SDK2: variants seen among roughly 807,000 people sequenced by gnomAD.
SDK2 encodes the protein sidekick cell adhesion molecule 2, also known as protein sidekick-2.
SDK2 carries 105 observed loss-of-function variants against 253.9 expected under a neutral mutation model. The ratio of observed to expected loss-of-function variants is 0.41; its 90% CI spans 0.35 to 0.49. The LOEUF (loss-of-function observed/expected upper bound fraction) is 0.49, where lower values mean the gene tolerates loss of function less well. Ranked by LOEUF, SDK2 falls within the 20% of genes least tolerant of loss-of-function variation. SDK2 has a pLI of 0.06. For missense variants in SDK2, 2,608 were observed against 3,003.0 expected (o/e 0.87, Z 3.07); for synonymous variants, 1,249 against 1,234.9 (o/e 1.01, Z -0.24).
At chr17:73,365,148 G>A (rs920190643) in intron 38 of SDK2, 110 bp downstream of exon 38, 4 of 765,940 alleles carry the variant, frequency 5.2e-6, no homozygotes, top group Non-Finnish European at 7.7e-6. Context: ...ATAAGATGGG[G>A]AGACTCTCAC....
intron 16 of SDK2, among the ~76,000 whole-genome samples, chr17:73,417,386 A>G (rs573456597): frequency 7.1e-4 from 107 of 151,688 alleles, no homozygotes; most frequent in Non-Finnish European, 1.3e-3. Context: ...AGCCTGGGCA[A>G]TGGAGTGAGA....
intron 2 of SDK2, among the ~76,000 whole-genome samples, chr17:73,478,714 T>C (rs1195491840): frequency 6.6e-6 from 1 of 152,218 alleles, no homozygotes; most frequent in African/African-American, 2.4e-5. Flanking sequence ...CCCTTTTTGG[T>C]TCGAGTCCTT....
chr17:73,341,195 T>C (rs560175529), intron 44 of SDK2, among the ~76,000 whole-genome samples: 28 of 151,512 alleles, frequency 1.8e-4, no homozygotes, highest in Admixed American at 2.6e-4. Context: ...AGTTCTTTTT[T>C]ACTTTTAAAG....
At chr17:73,533,388 A>G (rs2064186112) in intron 1 of SDK2, among the ~76,000 whole-genome samples, 1 of 152,216 alleles carries the variant, frequency 6.6e-6, no homozygotes, top group Non-Finnish European at 1.5e-5. Context: ...TGGCGGGCAC[A>G]TCCCCTGGCA....
At chr17:73,437,690 G>A (rs2063380650) in intron 8 of SDK2, 49 bp downstream of exon 8, 1 of 1,436,466 alleles carries the variant, frequency 7.0e-7, no homozygotes, top group South Asian at 1.1e-5. Context: ...GATGGGAGAG[G>A]CTGAAGATCT....
At chr17:73,354,256 C>A (rs1599476710) in intron 40 of SDK2, among the ~76,000 whole-genome samples, 1 of 152,244 alleles carries the variant, frequency 6.6e-6, no homozygotes, top group East Asian at 1.9e-4. Flanking sequence ...GTGCTGGCGT[C>A]AGCCACCTCT....
At chr17:73,594,258 G>A (rs559479026) in intron 1 of SDK2, among the ~76,000 whole-genome samples, 10 of 152,062 alleles carry the variant, frequency 6.6e-5, no homozygotes, top group African/African-American at 1.4e-4. Flanking sequence ...CAGCTCCCTC[G>A]ACCCTTGACC....
chr17:73,444,374 TAA>T (rs1398090359), intron 5 of SDK2, among the ~76,000 whole-genome samples: 1 of 151,844 alleles, frequency 6.6e-6, no homozygotes, highest in Non-Finnish European at 1.5e-5. Context: ...GTTATTGGGG[TAA>T]ATGGGGCTCC....
At chr17:73,601,396 T>C (rs1362236276) in intron 1 of SDK2, among the ~76,000 whole-genome samples, 3 of 152,164 alleles carry the variant, frequency 2.0e-5, no homozygotes, top group Non-Finnish European at 4.4e-5. Flanking sequence ...CCCAAATTCA[T>C]GTCCACCCAG....
rs1388199851 is a variant in SDK2 at position 73,455,993 on chromosome 17, A to G, written c.392T>C (p.Val131Ala). Residue 131 changes from valine to alanine, a missense_variant, in exon 4 of 45, where the codon GTC becomes GCC. Val to Ala is a moderately conservative substitution (Grantham distance 64, BLOSUM62 0). This residue lies in a region of SDK2 where 1,505 missense variants were observed against 1,859.1 expected (regional missense o/e 0.81). Coordinates refer to ENST00000392650, the MANE Select transcript of SDK2 (RefSeq NM_001144952.2). The surrounding 1 kb of genome is among the most constrained non-coding windows in gnomAD (Gnocchi z 5.0). The stretch of plus-strand genomic sequence containing the variant: ...GCTGGCGATGCGCGGGGCACGGATG[A>G]CAGCTGCTTCTCCGTGGGAGACGCT... ...HQSVSHGEAAVIRAPRIASFP... is the reference protein window; with the variant it reads ...HQSVSHGEAAAIRAPRIASFP... 3 of 1,545,548 alleles carry G rather than the reference A, an allele frequency of 1.9e-6. No individual in the cohort carries two copies. The African/African-American group carries it at 4.1e-5, about 21-fold the overall frequency.
Position 73,494,640 on chromosome 17 carries a change from G to T in SDK2, c.224+12798C>A, listed in dbSNP as rs140712141. Among the ~76,000 whole-genome samples, 937 of 152,260 alleles carry T rather than the reference G, an allele frequency of 6.2e-3. 11 individuals carry two copies. The highest frequency in any genetic ancestry group is 0.022 in the African/African-American group (894 of 41,558). On this transcript the variant is annotated intron_variant, in intron 2 of 44. Coordinates refer to ENST00000392650, the MANE Select transcript of SDK2 (RefSeq NM_001144952.2). ...ATTTTTGCGAGGTTGTCAACTCAAG[G>T]CACAAGGAGCCAGCTGTGCCTCTCG...
rs568258732 is a variant in SDK2 at position 73,389,187 on chromosome 17, T to C, written c.4192+1100A>G. On this transcript the variant is annotated intron_variant, in intron 29 of 44. Transcript: ENST00000392650. ...ACACCTGGCTGATATTCCTTTCTTT[T>C]TTTTTTTTTTTTTTTTGAGACGGTC... is the stretch of plus-strand genomic sequence containing the variant. 3.4e-3 allele frequency among the ~76,000 whole-genome samples: 464 copies of C among 135,564 alleles called. 4 individuals carry two copies. Among genetic ancestry groups the C allele is most frequent in the Non-Finnish European group, 4.6e-3 (288 of 62,656 alleles). 88.9% of individuals were successfully genotyped at this position (135,564 alleles called of 152,430 possible). A position where few individuals can be genotyped will look rare whatever the true frequency, so the allele number is the denominator to read the frequency against.
Position 73,455,841 on chromosome 17 carries a change from CT to C in SDK2, c.479+64del. The stretch of plus-strand genomic sequence containing the variant: ...CCTCCACACTCAAGGGAGACTTTAT[CT>C]GGCCCCAAACCTCCTCCCCCAGACA... On this transcript the variant is annotated intron_variant, in intron 4 of 44. Coordinates refer to ENST00000392650, the MANE Select transcript of SDK2 (RefSeq NM_001144952.2). The surrounding 1 kb of genome is among the most constrained non-coding windows in gnomAD (Gnocchi z 5.0). 1 of 1,473,888 alleles carries C rather than the reference CT, an allele frequency of 6.8e-7. No homozygotes were observed. The highest frequency in any genetic ancestry group is 9.0e-7 in the Non-Finnish European group (1 of 1,108,708). The allele number at this position is 1,473,888 out of a possible 1,614,324, so 91.3% of individuals were successfully genotyped here.
At chr17:73,425,080 C>G (rs1296568445) in intron 12 of SDK2, among the ~76,000 whole-genome samples, 6 of 152,046 alleles carry the variant, frequency 3.9e-5, no homozygotes, top group African/African-American at 1.4e-4. Context: ...ATTTGCCGGG[C>G]GTGGTGGCCA....
At chr17:73,483,708 T>TA (rs1491188790) in intron 2 of SDK2, among the ~76,000 whole-genome samples, 765 of 43,602 alleles carry the variant, frequency 0.018, 44 homozygotes, top group East Asian at 0.08. Flanking sequence ...TATATATATA[T>TA]TTTTTTTTTT....
chr17:73,453,370 G>GTTTTTTTTTTTTT (rs34814268), intron 4 of SDK2, among the ~76,000 whole-genome samples: 1 of 141,226 alleles, frequency 7.1e-6, no homozygotes, highest in Non-Finnish European at 1.5e-5. Flanking sequence ...CTGAGCTGGG[G>GTTTTTTTTTTTTT]TTTTTTTTTT....
In SDK2 at chr17:73,626,748, C is replaced by T. The variant is rs1203415568; in HGVS notation, c.64+17277G>A. 2.6e-5 allele frequency among the ~76,000 whole-genome samples: 4 copies of T among 152,188 alleles called. No homozygotes were observed. The South Asian group carries it at 6.2e-4, about 24-fold the overall frequency. On this transcript the variant is annotated intron_variant, in intron 1 of 44. Coordinates refer to ENST00000392650, the MANE Select transcript of SDK2 (RefSeq NM_001144952.2). ...ATCAGCCCAGCACATTCTAGGAAGA[C>T]AGCGATGGAATGGGAGGGTTCTCTG...
Position 73,361,834 on chromosome 17 carries a change from T to C in SDK2, c.5317A>G (p.Ile1773Val). 6.3e-7 allele frequency: 1 copy of C among 1,592,754 alleles called. No homozygotes were observed. The highest frequency in any genetic ancestry group is 8.6e-7 in the Non-Finnish European group (1 of 1,168,560). ...TTCCCCTTCACGTCCACGGTCACGATCTTGCTGACTCCTGGGGGAGGCACA... is the reference window on the plus strand; with the variant it reads ...TTCCCCTTCACGTCCACGGTCACGACCTTGCTGACTCCTGGGGGAGGCACA... ...PCSPVDGVSKIVTVDVKGNSP... is the reference protein window; with the variant it reads ...PCSPVDGVSKVVTVDVKGNSP... The change falls in exon 39 of 45, where the codon ATC (isoleucine) becomes GTC (valine). Residue 1773 changes from isoleucine to valine, a missense_variant. This residue lies in a region of SDK2 where 1,103 missense variants were observed against 1,143.9 expected (regional missense o/e 0.96). Transcript: ENST00000392650. The surrounding 1 kb of genome is among the most constrained non-coding windows in gnomAD (Gnocchi z 4.1).
At chr17:73,519,217 A>G (rs1293811705) in intron 1 of SDK2, 1 of 152,210 alleles carries the variant, frequency 6.6e-6, no homozygotes, top group Non-Finnish European at 1.5e-5. Context: ...AGCACCCCAG[A>G]GCTCTGGCTG....
Sources: allele counts gnomAD v4.1 joint callset (sites outside exome capture counted in the v4.1 genomes callset), GRCh38; gene constraint gnomAD v4.1.1; regional missense constraint gnomAD v4.1.1; non-coding constraint Gnocchi (gnomAD v3.1); transcripts MANE v1.5; gene names NCBI Gene and HGNC (gene_info 2026-07-23, HGNC 2026-07-21).